The following ZNF717 variants were observed in gnomAD, a reference collection of about 807,000 sequenced individuals.
The protein encoded by ZNF717 is zinc finger protein 717.
In ZNF717, 9 loss-of-function variants were observed where a neutral mutation model predicts 13.8. That is an observed-to-expected ratio of 0.65 (90% CI 0.39 to 1.14). The LOEUF (loss-of-function observed/expected upper bound fraction) is 1.14, where lower values mean the gene tolerates loss of function less well. ZNF717 is among the 50% of genes most tolerant of loss of function. The pLI is 0.01. For missense variants in ZNF717, 1,040 were observed against 1,080.7 expected, an observed-to-expected ratio of 0.96 and a Z score of 0.53; for synonymous variants, 327 against 364.1, an observed-to-expected ratio of 0.90 and a Z score of 1.16.
At chr3:75,726,567 G>C (rs3009045), downstream of ZNF717, among the ~76,000 whole-genome samples, 129,146 of 151,508 alleles carry the variant, frequency 0.85, 53,930 homozygotes, top group Middle Eastern at 0.9. Context: ...CACCATCTCA[G>C]AAGTATGAGG....
intron 2 of ZNF717, among the ~76,000 whole-genome samples, chr3:75,753,433 C>T (rs1416977537): frequency 1.3e-5 from 2 of 150,278 alleles, no homozygotes; most frequent in Non-Finnish European, 3.0e-5. Flanking sequence ...CTGAACACTG[C>T]TACGAGGGTC....
rs1940455777 is a variant in ZNF717 at position 75,741,636 on chromosome 3, T to C, written c.158A>G (p.Glu53Gly). The C allele has an allele frequency of 1.9e-6, 3 of 1,605,840 alleles. No homozygotes were observed. The highest frequency in any genetic ancestry group is 2.6e-6 in the Non-Finnish European group (3 of 1,174,686). ...QRTLYRDVMLETYSSLVSLGH... is the reference protein window; with the variant it reads ...QRTLYRDVMLGTYSSLVSLGH... ...CAATGATACCAGGCTGCTGTAGGTC[T>C]CCAGCATCACGTCCCTGTACAGGGT... The change falls in exon 3 of 5, where the codon GAG becomes GGG. Residue 53 changes from glutamate to glycine, a missense_variant. Physicochemically the swap from Glu to Gly is moderately conservative, Grantham distance 98 (BLOSUM62 -2). Coordinates refer to ENST00000652011, the MANE Select transcript of ZNF717 (RefSeq NM_001290208.3).
chr3:75,763,111 G>A (rs1348183554), intron 2 of ZNF717, among the ~76,000 whole-genome samples: 1 of 152,198 alleles, frequency 6.6e-6, no homozygotes, highest in Non-Finnish European at 1.5e-5. Context: ...TTTGGAAAAT[G>A]CTTTATGACA....
At position 75,738,158 on chromosome 3, in the gene ZNF717, G is replaced by A. The variant is rs1553661042; in HGVS notation, c.1465C>T (p.His489Tyr). ...TGGATAGTGAGGAATGACTTACGGTGAAACGTTTTCCCACATTCATTGCAT... is the reference window on the plus strand; with the variant it reads ...TGGATAGTGAGGAATGACTTACGGTAAAACGTTTTCCCACATTCATTGCAT... ...YECNECGKTFHRKSFLTIHQW... is the reference protein window; with the variant it reads ...YECNECGKTFYRKSFLTIHQW... Residue 489 changes from histidine to tyrosine, a missense_variant, in exon 5 of 5, where the codon CAC becomes TAC. His to Tyr is a moderately conservative substitution (Grantham distance 83). Around this residue, in one of 3 missense-constraint regions of ZNF717, gnomAD observed 873 missense variants for 832.8 expected, o/e 1.05. Transcript: ENST00000652011. 3 of 1,367,764 alleles carry A rather than the reference G, an allele frequency of 2.2e-6. No homozygotes were observed. Among genetic ancestry groups the A allele is most frequent in the South Asian group, 1.4e-5 (1 of 70,590 alleles). The allele number at this position is 1,367,764 out of a possible 1,614,324, so 84.7% of individuals were successfully genotyped here.
At chr3:75,772,798 G>A (rs76043795) in intron 2 of ZNF717, among the ~76,000 whole-genome samples, 3 of 132,676 alleles carry the variant, frequency 2.3e-5, no homozygotes, top group East Asian at 4.3e-4. Flanking sequence ...GGTAAAGGCG[G>A]CACCAGCCAG....
chr3:75,698,711 G>A (rs796521843), intron 6 of ZNF717, among the ~76,000 whole-genome samples: 1 of 152,312 alleles, frequency 6.6e-6, no homozygotes. Flanking sequence ...TGCAGGGGTG[G>A]AGCCCTCATG....
intron 2 of ZNF717, among the ~76,000 whole-genome samples, chr3:75,770,607 C>G (rs906468085): frequency 6.6e-6 from 1 of 152,130 alleles, no homozygotes; most frequent in African/African-American, 2.4e-5. Context: ...ACAAAAGTAA[C>G]AGGGCTTGAC....
intron 2 of ZNF717, among the ~76,000 whole-genome samples, chr3:75,772,135 C>G (rs1346801593): frequency 1.3e-5 from 2 of 152,226 alleles, no homozygotes; most frequent in Non-Finnish European, 2.9e-5. Context: ...AGCTACCCAC[C>G]ATGGGTCTCC....
chr3:75,768,649 C>A (rs1331104218), intron 2 of ZNF717, among the ~76,000 whole-genome samples: 15 of 120,980 alleles, frequency 1.2e-4, no homozygotes, highest in African/African-American at 2.6e-4. Flanking sequence ...GTCCTCACTG[C>A]AGCTGAGTGT....
chr3:75,740,831 T>A (rs1940316613), intron 4 of ZNF717, among the ~76,000 whole-genome samples: 1 of 151,928 alleles, frequency 6.6e-6, no homozygotes, highest in African/African-American at 2.4e-5. Flanking sequence ...AATCATCTGT[T>A]TAATAAAAAA....
downstream of ZNF717, among the ~76,000 whole-genome samples, chr3:75,726,643 A>C (rs2106882830): frequency 6.6e-6 from 1 of 152,406 alleles, no homozygotes; most frequent in African/African-American, 2.4e-5. Context: ...GACATACTGC[A>C]GTGTATCTAG....
intron 2 of ZNF717, among the ~76,000 whole-genome samples, chr3:75,758,683 C>A (rs1471537836): frequency 6.6e-6 from 1 of 152,212 alleles, no homozygotes; most frequent in Non-Finnish European, 1.5e-5. Context: ...TCAGCAATCA[C>A]CACCTTACAT....
At chr3:75,720,110 A>G (rs1938140110) in intron 4 of ZNF717, among the ~76,000 whole-genome samples, 1 of 152,124 alleles carries the variant, frequency 6.6e-6, no homozygotes, top group Non-Finnish European at 1.5e-5. Context: ...CTCAAAAAAC[A>G]GAACTATCAT....
chr3:75,752,702 G>T (rs75315845), intron 2 of ZNF717, among the ~76,000 whole-genome samples: 2 of 142,450 alleles, frequency 1.4e-5, no homozygotes, highest in Admixed American at 1.4e-4. Flanking sequence ...CCTCACATAG[G>T]ATTCCAGAAC....
intron 2 of ZNF717, among the ~76,000 whole-genome samples, chr3:75,761,393 C>T (rs376452052): frequency 2.0e-5 from 3 of 152,160 alleles, no homozygotes; most frequent in East Asian, 1.9e-4. Context: ...AAATAAAGAT[C>T]GTACATGAAA....
chr3:75,752,432 C>T (rs79279018), intron 2 of ZNF717, among the ~76,000 whole-genome samples: 1 of 127,590 alleles, frequency 7.8e-6, no homozygotes, highest in African/African-American at 3.1e-5. Context: ...AAGATTCCAG[C>T]ACACTGCTAT....
chr3:75,781,275 T>C (rs1312448745), intron 2 of ZNF717, among the ~76,000 whole-genome samples: 6 of 152,264 alleles, frequency 3.9e-5, no homozygotes, highest in Non-Finnish European at 8.8e-5. Flanking sequence ...GTTCAAACTG[T>C]GTTCAAACAA....
chr3:75,747,244 G>C (rs1191655465), intron 2 of ZNF717, among the ~76,000 whole-genome samples: 25 of 152,146 alleles, frequency 1.6e-4, no homozygotes, highest in Non-Finnish European at 2.8e-4. Context: ...CCAGTACCAT[G>C]CTGTTTTGGT....
At chr3:75,771,583 C>A (rs1943873211) in intron 2 of ZNF717, among the ~76,000 whole-genome samples, 1 of 152,258 alleles carries the variant, frequency 6.6e-6, no homozygotes, top group Non-Finnish European at 1.5e-5. Flanking sequence ...ACAAGCAAGG[C>A]ACCTGCAAGG....
Sources: gnomAD v4.1 joint callset for allele counts (sites outside exome capture counted in the v4.1 genomes callset) on GRCh38, gnomAD v4.1.1 for gene constraint, gnomAD v4.1.1 regional missense constraint, MANE v1.5 for transcripts, NCBI Gene and HGNC (gene_info 2026-07-23, HGNC 2026-07-21) for gene names.